NLGN1: variants seen among roughly 807,000 people sequenced by gnomAD.
NLGN1 encodes neuroligin 1.
In NLGN1, 12 loss-of-function variants were observed where a neutral mutation model predicts 65.5. That is an observed-to-expected ratio of 0.18 (90% confidence interval 0.12 to 0.30). NLGN1 has a LOEUF of 0.30. Among genes scored for constraint, NLGN1 ranks in the 10% least tolerant of loss-of-function variants. The probability of loss-of-function intolerance (pLI) is 1.00; values close to 1 mark genes in which losing one functional copy is unlikely to be tolerated. For synonymous variants in NLGN1, 350 were observed against 359.5 expected (o/e 0.97, Z 0.30); for missense variants, 750 against 1,007.1 (o/e 0.74, Z 3.46).
intron 4 of NLGN1, among the ~76,000 whole-genome samples, chr3:174,200,305 A>C (rs1404098197): frequency 6.6e-6 from 1 of 152,202 alleles, no homozygotes; most frequent in East Asian, 1.9e-4. Flanking sequence ...ATGGCTCAGA[A>C]TATTAGCTAT....
At chr3:173,550,572 A>G (rs1000670178) in intron 2 of NLGN1, among the ~76,000 whole-genome samples, 1 of 152,146 alleles carries the variant, frequency 6.6e-6, no homozygotes, top group African/African-American at 2.4e-5. Context: ...AGACTGCTGA[A>G]AAAAATAGCA....
rs188280783 is a variant in NLGN1 at position 173,963,685 on chromosome 3, A to G, written c.646+155853A>G. On this transcript the variant is annotated intron_variant, in intron 4 of 6. Transcript: ENST00000457714. ...AGTATAATTAGGACAGGATGTTATC[A>G]TCAAAACTAATAAAGATTATATGAG... Among the ~76,000 whole-genome samples the G allele has an allele frequency of 1.6e-4, 24 of 152,352 alleles. 1 individual carries two copies. In the East Asian group the frequency reaches 4.4e-3, roughly 28 times the overall value.
intron 4 of NLGN1, among the ~76,000 whole-genome samples, chr3:173,989,416 G>A (rs1022015352): frequency 1.3e-5 from 2 of 152,162 alleles, no homozygotes; most frequent in African/African-American, 4.8e-5. Context: ...ACACTTGAAT[G>A]TGGAAAGTCA....
chr3:173,614,934 T>C (rs908567875), intron 3 of NLGN1, among the ~76,000 whole-genome samples: 12 of 152,170 alleles, frequency 7.9e-5, no homozygotes, highest in Non-Finnish European at 1.6e-4. Flanking sequence ...AATGGAAATA[T>C]TTATAAATTT....
chr3:174,160,887 AT>A, intron 4 of NLGN1, among the ~76,000 whole-genome samples: 1 of 151,220 alleles, frequency 6.6e-6, no homozygotes, highest in Middle Eastern at 3.5e-3. Flanking sequence ...CTTTCTAACT[AT>A]TTTTTTGTAC....
rs925789219 is a variant in NLGN1 at position 173,787,804 on chromosome 3, G to A, written c.494-19876G>A. ...GTAGGCTTTCAGTGACCATGTTTCCGATGTTTTTGAGCTGACCACAGCAAA... is the reference window on the plus strand; with the variant it reads ...GTAGGCTTTCAGTGACCATGTTTCCAATGTTTTTGAGCTGACCACAGCAAA... On this transcript the variant is annotated intron_variant, in intron 3 of 6. Transcript: ENST00000457714. Among the ~76,000 whole-genome samples the A allele has an allele frequency of 3.3e-5, 5 of 152,278 alleles. No individual in the cohort carries two copies. In the South Asian group the frequency reaches 1.0e-3, roughly 32 times the overall value.
chr3:173,675,914 C>CACACAG (rs1763106935), intron 3 of NLGN1, among the ~76,000 whole-genome samples: 2 of 151,602 alleles, frequency 1.3e-5, no homozygotes, highest in Non-Finnish European at 2.9e-5. Context: ...CACACACACA[C>CACACAG]ACACACACTA....
At position 174,280,338 on chromosome 3, in the gene NLGN1, T is replaced by C. The variant is rs1400302759; in HGVS notation, c.1650-143T>C. 6.3e-6 allele frequency: 4 copies of C among 633,446 alleles called. No individual in the cohort carries two copies. The highest frequency in any genetic ancestry group is 1.1e-5 in the Non-Finnish European group (4 of 374,212). The allele number at this position is 633,446 out of a possible 1,614,324, so 39.2% of individuals were successfully genotyped here. On this transcript the variant is annotated intron_variant, in intron 6 of 6. Coordinates refer to ENST00000457714, the Ensembl canonical transcript of NLGN1. The surrounding 1 kb of genome is among the most constrained non-coding windows in gnomAD (Gnocchi z 4.9). ...CAATATGCCTGCTAGGAGATTTATA[T>C]TTCTAAATTGACCCAAATTAATGTT...
chr3:174,042,976 C>T (rs1732686750), intron 4 of NLGN1, among the ~76,000 whole-genome samples: 5 of 152,140 alleles, frequency 3.3e-5, no homozygotes, highest in Admixed American at 3.3e-4. Context: ...TTCTGCATAG[C>T]TGGGGAGGCC....
chr3:173,729,055 C>A (rs1772336297), intron 3 of NLGN1, among the ~76,000 whole-genome samples: 1 of 151,996 alleles, frequency 6.6e-6, no homozygotes, highest in Non-Finnish European at 1.5e-5. Flanking sequence ...TCTTATTTTG[C>A]TGAGATGATT....
At chr3:173,797,695 ACAAC>A (rs1714429847) in intron 3 of NLGN1, among the ~76,000 whole-genome samples, 7 of 54,688 alleles carry the variant, frequency 1.3e-4, no homozygotes, top group East Asian at 2.2e-4. Flanking sequence ...AACAACAACA[ACAAC>A]AAAAAAAAAC....
intron 4 of NLGN1, among the ~76,000 whole-genome samples, chr3:173,864,677 T>C (rs1729772881): frequency 6.6e-6 from 1 of 152,192 alleles, no homozygotes; most frequent in Non-Finnish European, 1.5e-5. Flanking sequence ...TTACGTTCTG[T>C]TTATGTATGC....
At chr3:174,124,639 A>AC (rs1437409849) in intron 4 of NLGN1, among the ~76,000 whole-genome samples, 1 of 144,240 alleles carries the variant, frequency 6.9e-6, no homozygotes, top group Non-Finnish European at 1.5e-5. Context: ...ATACGTATAT[A>AC]TATAAGTACA....
chr3:173,784,047 C>G (rs1781584946), intron 3 of NLGN1, among the ~76,000 whole-genome samples: 1 of 152,072 alleles, frequency 6.6e-6, no homozygotes, highest in Non-Finnish European at 1.5e-5. Flanking sequence ...AATTTTAGCA[C>G]TAATAAATAT....
intron 4 of NLGN1, among the ~76,000 whole-genome samples, chr3:173,900,392 C>A (rs1179874757): frequency 6.6e-6 from 1 of 151,990 alleles, no homozygotes; most frequent in Non-Finnish European, 1.5e-5. Context: ...TGCTGATATG[C>A]AAATTCAGGT....
At chr3:174,194,432 A>T (rs1732982156) in intron 4 of NLGN1, among the ~76,000 whole-genome samples, 1 of 151,434 alleles carries the variant, frequency 6.6e-6, no homozygotes, top group Admixed American at 6.6e-5. Flanking sequence ...CTGGAGACAG[A>T]GCTAGACTCC....
chr3:173,891,950 A>G (rs1278549239), intron 4 of NLGN1, among the ~76,000 whole-genome samples: 1 of 152,214 alleles, frequency 6.6e-6, no homozygotes, highest in African/African-American at 2.4e-5. Flanking sequence ...AATGGCAGAA[A>G]GTATATTCCA....
intron 4 of NLGN1, among the ~76,000 whole-genome samples, chr3:173,859,852 A>G (rs889849451): frequency 6.6e-6 from 1 of 152,016 alleles, no homozygotes; most frequent in Non-Finnish European, 1.5e-5. Flanking sequence ...TCTAAATTTT[A>G]AAAGTTTGGG....
At chr3:174,005,432 T>C (rs888841633) in intron 4 of NLGN1, among the ~76,000 whole-genome samples, 9 of 152,198 alleles carry the variant, frequency 5.9e-5, no homozygotes, top group Non-Finnish European at 1.3e-4. Context: ...TCAATAAATA[T>C]TCATTAAATG....
Sources: gnomAD v4.1 joint callset for allele counts (sites outside exome capture counted in the v4.1 genomes callset) on GRCh38, gnomAD v4.1.1 for gene constraint, Gnocchi (gnomAD v3.1) non-coding constraint, MANE v1.5 for transcripts, NCBI Gene and HGNC (gene_info 2026-07-23, HGNC 2026-07-21) for gene names.